The following SMCHD1 variants were observed in gnomAD, a reference collection of about 807,000 sequenced individuals.
SMCHD1 encodes structural maintenance of chromosomes flexible hinge domain-containing protein 1.
A neutral mutation model predicts 254.7 loss-of-function variants in SMCHD1; 78 were observed. That is an observed-to-expected ratio of 0.31 (90% CI 0.26 to 0.37). The LOEUF (loss-of-function observed/expected upper bound fraction) is 0.37, where lower values mean the gene tolerates loss of function less well. Ranked by LOEUF, SMCHD1 falls within the 10% of genes least tolerant of loss-of-function variation. SMCHD1 has a pLI of 1.00. For synonymous variants in SMCHD1, 766 were observed against 794.9 expected, an observed-to-expected ratio of 0.96 and a Z score of 0.61; for missense variants, 1,840 against 2,408.1, an observed-to-expected ratio of 0.76 and a Z score of 4.94.
At position 2,770,818 on chromosome 18, in the gene SMCHD1, A is replaced by T. The variant is rs193108657; in HGVS notation, c.4966+710A>T. On this transcript the variant is annotated intron_variant, in intron 39 of 47. Transcript: ENST00000320876. ...GTATTTTTAGTAGAGACGGGGTTTC[A>T]CCATGTTGGCCGGGCTGGTCTCGAA... 7.3e-3 allele frequency among the ~76,000 whole-genome samples: 1,110 copies of T among 152,078 alleles called. 2 individuals are homozygous for T. Among genetic ancestry groups the T allele is most frequent in the Non-Finnish European group, 0.013 (853 of 67,954 alleles).
At chr18:2,702,308 A>AAAAAAAAATG (rs57964967) in intron 12 of SMCHD1, 1 of 119,826 alleles carries the variant, frequency 8.3e-6, no homozygotes. Context: ...AAAAAAAAAA[A>AAAAAAAAATG]GAAGGAAATG....
intron 34 of SMCHD1, among the ~76,000 whole-genome samples, chr18:2,753,349 C>T (rs954554664): frequency 6.6e-6 from 1 of 152,310 alleles, no homozygotes; most frequent in South Asian, 2.1e-4. Flanking sequence ...TGTGTGAACA[C>T]ACTACTATTT....
intron 1 of SMCHD1, among the ~76,000 whole-genome samples, chr18:2,658,787 A>G (rs2073149697): frequency 6.6e-6 from 1 of 151,832 alleles, no homozygotes; most frequent in Admixed American, 6.6e-5. Context: ...ATTTAGGTCA[A>G]TTTGATTCCA....
At chr18:2,765,819 A>AT (rs1029153127) in intron 37 of SMCHD1, among the ~76,000 whole-genome samples, 5 of 152,128 alleles carry the variant, frequency 3.3e-5, no homozygotes, top group African/African-American at 1.2e-4. Context: ...ATAAAGTAAG[A>AT]TTTTCTTGTG....
At chr18:2,710,136 AC>A (rs2143287404) in intron 17 of SMCHD1, among the ~76,000 whole-genome samples, 1 of 152,302 alleles carries the variant, frequency 6.6e-6, no homozygotes, top group South Asian at 2.1e-4. Context: ...TTTTTCCAGC[AC>A]CATTTGTCAA....
At chr18:2,766,856 C>A (rs2075877481) in intron 37 of SMCHD1, among the ~76,000 whole-genome samples, 1 of 152,064 alleles carries the variant, frequency 6.6e-6, no homozygotes. Context: ...TCTGTTTATC[C>A]TTTTTTCTTG....
intron 35 of SMCHD1, 22 bp downstream of exon 35, chr18:2,760,761 A>G: frequency 7.2e-7 from 1 of 1,389,402 alleles, no homozygotes; most frequent in Non-Finnish European, 1.0e-6. Context: ...TTTTTTATAT[A>G]CCACAGTTAG....
At chr18:2,660,456 A>G (rs1469230874) in intron 1 of SMCHD1, among the ~76,000 whole-genome samples, 2 of 151,268 alleles carry the variant, frequency 1.3e-5, no homozygotes, top group Admixed American at 1.3e-4. Context: ...ATAAATTTAT[A>G]GATTAAAAAT....
chr18:2,777,014 C>G (rs1374179999), intron 42 of SMCHD1, among the ~76,000 whole-genome samples: 1 of 152,054 alleles, frequency 6.6e-6, no homozygotes, highest in Non-Finnish European at 1.5e-5. Flanking sequence ...AGTGATCCTC[C>G]TCCCTCAACC....
chr18:2,722,881 T>A (rs1471422983), intron 20 of SMCHD1, among the ~76,000 whole-genome samples: 1 of 152,232 alleles, frequency 6.6e-6, no homozygotes, highest in Non-Finnish European at 1.5e-5. Context: ...ACTGGATTTA[T>A]TGCTGAAGTT....
chr18:2,697,983 T>C lies in SMCHD1; in HGVS notation c.1284T>C (p.Arg428=). The C allele has an allele frequency of 1.9e-6, 3 of 1,613,690 alleles. No homozygotes were observed. The highest frequency in any genetic ancestry group is 2.5e-6 in the Non-Finnish European group (3 of 1,179,684). ...ATGGTGTAGTGGAAGGGATTATCCG[T>C]TATCATCCATTCTTATATGATAGAG... ...EGDGVVEGII[R]YHPFLYDRET... The change falls in exon 10 of 48, where the codon CGT becomes CGC. Residue 428 remains arginine (R), a synonymous_variant. Transcript: ENST00000320876.
At chr18:2,672,507 C>T (rs2073637013) in intron 3 of SMCHD1, among the ~76,000 whole-genome samples, 1 of 152,282 alleles carries the variant, frequency 6.6e-6, no homozygotes, top group Middle Eastern at 3.4e-3. Context: ...AGATTACAGG[C>T]GTGAGCCCAC....
chr18:2,731,153 C>G (rs945922011), intron 24 of SMCHD1, among the ~76,000 whole-genome samples: 3 of 152,190 alleles, frequency 2.0e-5, no homozygotes, highest in African/African-American at 7.2e-5. Context: ...ATGTGCCTGA[C>G]ATTCCATGAG....
chr18:2,784,632 T>C lies in SMCHD1; in HGVS notation c.5719+11T>C. The C allele has an allele frequency of 6.4e-7, 1 of 1,559,020 alleles. No homozygotes were observed. The highest frequency in any genetic ancestry group is 8.6e-7 in the Non-Finnish European group (1 of 1,158,726). ...TAGGGGAACAAATAGGTAAGTTGAA[T>C]AAGTACTTAAATAGCAATTTCTAAT... On this transcript the variant is annotated intron_variant, in intron 45 of 47. Transcript: ENST00000320876.
chr18:2,674,261 A>G (rs768000865), intron 5 of SMCHD1, 116 bp downstream of exon 5: 98 of 789,392 alleles, frequency 1.2e-4, no homozygotes, highest in Non-Finnish European at 1.5e-4. Context: ...TTATTCACAT[A>G]TTTATTTAGG....
Position 2,658,953 on chromosome 18 carries a change from C to CAT in SMCHD1, c.186+2701_186+2702dup, listed in dbSNP as rs201901230. Among the ~76,000 whole-genome samples, 771 of 151,420 alleles carry CAT rather than the reference C, an allele frequency of 5.1e-3. 4 individuals are homozygous for CAT. The highest frequency in any genetic ancestry group is 0.017 in the African/African-American group (699 of 41,238). ...ATATATACACATATATATACACACA[C>CAT]ATATATATATTTTTTACACTACTCC... On this transcript the variant is annotated intron_variant, in intron 1 of 47. Coordinates refer to ENST00000320876, the MANE Select transcript of SMCHD1 (RefSeq NM_015295.3).
chr18:2,703,341 C>T (rs997669087), intron 12 of SMCHD1, among the ~76,000 whole-genome samples: 1 of 152,110 alleles, frequency 6.6e-6, no homozygotes, highest in African/African-American at 2.4e-5. Context: ...AGTTAGAAGG[C>T]CTCCACTCAT....
chr18:2,785,996 T>C (rs2076234107), intron 45 of SMCHD1, among the ~76,000 whole-genome samples: 1 of 152,112 alleles, frequency 6.6e-6, no homozygotes, highest in African/African-American at 2.4e-5. Context: ...TTTGTTTACT[T>C]TTATTTACTT....
At chr18:2,670,170 G>A (rs2073556545) in intron 3 of SMCHD1, among the ~76,000 whole-genome samples, 1 of 152,152 alleles carries the variant, frequency 6.6e-6, no homozygotes, top group East Asian at 1.9e-4. Flanking sequence ...ACAGTTGCCT[G>A]CAGGGACTTA....
Sources: allele counts gnomAD v4.1 joint callset (sites outside exome capture counted in the v4.1 genomes callset), GRCh38; gene constraint gnomAD v4.1.1; transcripts MANE v1.5; gene names NCBI Gene and HGNC (gene_info 2026-07-23, HGNC 2026-07-21).